The following MTTP variants were observed in gnomAD, a reference collection of about 807,000 sequenced individuals.
MTTP encodes microsomal triglyceride transfer protein.
A neutral mutation model predicts 90.6 loss-of-function variants in MTTP; 49 were observed. That is an observed-to-expected ratio of 0.54 (90% CI 0.43 to 0.69). The LOEUF (loss-of-function observed/expected upper bound fraction) is 0.69. Ranked by LOEUF, MTTP falls within the 30% of genes least tolerant of loss-of-function variation. The pLI is 0.00. For synonymous variants in MTTP, 347 were observed against 384.2 expected (o/e 0.90, Z 1.13); for missense variants, 945 against 1,067.5 (o/e 0.89, Z 1.60).
At chr4:99,564,367 A>G (rs112183329) in intron 1 of MTTP, 29,341 of 885,188 alleles carry the variant, frequency 0.033, 600 homozygotes, top group Non-Finnish European at 0.038. Context: ...TTTAATTTAT[A>G]CAGAAAATTA....
intron 4 of MTTP, among the ~76,000 whole-genome samples, 167 bp from the exon 5 acceptor site, chr4:99,591,068 C>T (rs1480556102): frequency 6.6e-6 from 1 of 152,130 alleles, no homozygotes; most frequent in African/African-American, 2.4e-5. Context: ...GGGAGGGAAT[C>T]AATGAGCTAC....
intron 1 of MTTP, among the ~76,000 whole-genome samples, chr4:99,580,530 G>A (rs148649670): frequency 0.027 from 3,558 of 130,062 alleles, 83 homozygotes; most frequent in Middle Eastern, 0.05. Flanking sequence ...AACTGAAATC[G>A]TGTCACTGCA....
At chr4:99,586,198 ATCT>A (rs1725256001) in intron 3 of MTTP, among the ~76,000 whole-genome samples, 1 of 152,106 alleles carries the variant, frequency 6.6e-6, no homozygotes, top group African/African-American at 2.4e-5. Context: ...TTCATTGCAC[ATCT>A]TCTTTTTTCC....
upstream of MTTP, among the ~76,000 whole-genome samples, chr4:99,573,061 G>T (rs1724873538): frequency 6.6e-6 from 1 of 151,980 alleles, no homozygotes; most frequent in Non-Finnish European, 1.5e-5. Flanking sequence ...TCTTTTATTG[G>T]TTGGACTCTG....
chr4:99,590,859 ACAC>A (rs754097970), intron 4 of MTTP, among the ~76,000 whole-genome samples: 19 of 126,718 alleles, frequency 1.5e-4, no homozygotes, highest in African/African-American at 5.8e-4. Context: ...ACACACACAC[ACAC>A]ACCACACACA....
rs777823113 is a variant in MTTP at position 99,608,875 on chromosome 4, A to G, written c.1667A>G (p.Asp556Gly). 1.2e-6 allele frequency: 2 copies of G among 1,614,152 alleles called. No homozygotes were observed. The highest frequency in any genetic ancestry group is 1.7e-6 in the Non-Finnish European group (2 of 1,180,006). ...TTAAATAACAATCCATCCTACATGG[A>G]CGTCAAGAACATCCTGCTGTCTATT... ...IILNNNPSYM[D>G]VKNILLSIGE... The change falls in exon 12 of 18, where the codon GAC (aspartate) becomes GGC (glycine). Residue 556 changes from aspartate (D) to glycine (G), a missense_variant. Physicochemically the swap from Asp to Gly is moderately conservative, Grantham distance 94. Transcript: ENST00000265517.
In MTTP at chr4:99,622,991, G is replaced by A. The variant is rs915094421; in HGVS notation, c.*143G>A. ...TTGTAAAAAGCTACAAAAAACTGCA[G>A]TTTGATCAAATTTGGGTATATGCAG... On this transcript the variant is annotated 3_prime_UTR_variant, in exon 18 of 18. Coordinates refer to ENST00000265517, the MANE Select transcript of MTTP (RefSeq NM_001386140.1). 4.3e-5 allele frequency: 43 copies of A among 1,008,866 alleles called. No homozygotes were observed. Among genetic ancestry groups the A allele is most frequent in the South Asian group, 1.9e-4 (14 of 74,740 alleles). The allele number at this position is 1,008,866 out of a possible 1,614,324, so 62.5% of individuals were successfully genotyped here.
chr4:99,622,562 C>G, intron 17 of MTTP, 115 bp from the exon 18 acceptor site: 1 of 1,120,644 alleles, frequency 8.9e-7, no homozygotes, highest in Non-Finnish European at 1.3e-6. Context: ...CACTCATATC[C>G]TTTCTCAGAT....
At chr4:99,573,256 C>G (rs1269259491), upstream of MTTP, among the ~76,000 whole-genome samples, 2 of 152,092 alleles carry the variant, frequency 1.3e-5, no homozygotes, top group African/African-American at 4.8e-5. Flanking sequence ...AAGTAAAGTT[C>G]AAGTGACTAT....
At chr4:99,596,922 A>T in intron 7 of MTTP, 145 bp from the exon 8 acceptor site, 1 of 944,358 alleles carries the variant, frequency 1.1e-6, no homozygotes, top group Non-Finnish European at 1.7e-6. Flanking sequence ...ATGGGCAGGG[A>T]ACTGTCATGT....
upstream of MTTP, among the ~76,000 whole-genome samples, chr4:99,572,705 T>C (rs1724865722): frequency 6.6e-6 from 1 of 151,958 alleles, no homozygotes; most frequent in Non-Finnish European, 1.5e-5. Flanking sequence ...TTTTAGGAGG[T>C]AGTGCTCACA....
At chr4:99,603,195 C>G (rs746483104) in intron 10 of MTTP, among the ~76,000 whole-genome samples, 2 of 152,024 alleles carry the variant, frequency 1.3e-5, no homozygotes, top group Non-Finnish European at 2.9e-5. Context: ...GGGGTTGGAA[C>G]ATAAAATATG....
At chr4:99,615,557 G>A (rs530126916) in intron 15 of MTTP, among the ~76,000 whole-genome samples, 1 of 152,196 alleles carries the variant, frequency 6.6e-6, no homozygotes, top group African/African-American at 2.4e-5. Context: ...AGGCCCCCTG[G>A]CTCTGCAGAG....
chr4:99,611,248 C>T lies in MTTP; in HGVS notation c.1867+8C>T. 1 of 1,613,212 alleles carries T rather than the reference C, an allele frequency of 6.2e-7. No individual in the cohort carries two copies. Among genetic ancestry groups the T allele is most frequent in the Non-Finnish European group, 8.5e-7 (1 of 1,179,188 alleles). Reference sequence around the variant, plus strand: ...ACACTGGCTACATAGAACGTATGTACACCAAAAAGAGGTTCTCCTTCCATA... The same window carrying T: ...ACACTGGCTACATAGAACGTATGTATACCAAAAAGAGGTTCTCCTTCCATA... On this transcript the variant is annotated splice_region_variant and intron_variant, in intron 13 of 17. Transcript: ENST00000265517.
chr4:99,594,224 T>C (rs1725495931), intron 6 of MTTP, among the ~76,000 whole-genome samples: 1 of 152,190 alleles, frequency 6.6e-6, no homozygotes, highest in Admixed American at 6.5e-5. Context: ...TTCAGTCTCC[T>C]CTATTAGTTG....
chr4:99,568,838 C>G (rs28849180), intron 1 of MTTP, among the ~76,000 whole-genome samples: 1 of 151,772 alleles, frequency 6.6e-6, no homozygotes, highest in African/African-American at 2.4e-5. Context: ...CAACCTTAAC[C>G]CAAAGTATAA....
chr4:99,597,003 C>G (rs1725569162), intron 7 of MTTP, 64 bp from the exon 8 acceptor site: 1 of 1,603,896 alleles, frequency 6.2e-7, no homozygotes, highest in African/African-American at 1.3e-5. Flanking sequence ...AGGAGAACAC[C>G]CTTTGTAAAT....
chr4:99,574,819 G>C, upstream of MTTP: 1 of 1,613,002 alleles, frequency 6.2e-7, no homozygotes. Flanking sequence ...GTTCTGAAGA[G>C]GGTCACTCCC....
At chr4:99,613,570 C>T (rs529857381) in intron 15 of MTTP, among the ~76,000 whole-genome samples, 170 of 152,210 alleles carry the variant, frequency 1.1e-3, no homozygotes, top group South Asian at 2.1e-3. Flanking sequence ...ATCATTTTGA[C>T]CCTGCCAAAT....
Sources: allele counts gnomAD v4.1 joint callset (sites outside exome capture counted in the v4.1 genomes callset), GRCh38; gene constraint gnomAD v4.1.1; transcripts MANE v1.5; gene names NCBI Gene and HGNC (gene_info 2026-07-23, HGNC 2026-07-21).